The following GRM5 variants were observed in gnomAD, a reference collection of about 807,000 sequenced individuals.
GRM5 encodes metabotropic glutamate receptor 5.
Under a neutral mutation model 83.1 loss-of-function variants are expected in GRM5, and 19 were observed. The observed-to-expected ratio is 0.23, with a 90% CI of 0.16 to 0.34. GRM5 has a LOEUF of 0.34. Ranked by LOEUF, GRM5 falls within the 10% of genes least tolerant of loss-of-function variation. GRM5 has a pLI of 1.00. For synonymous variants in GRM5, 675 were observed against 633.6 expected, an observed-to-expected ratio of 1.07 and a Z score of -0.98; for missense variants, 1,160 against 1,588.3, an observed-to-expected ratio of 0.73 and a Z score of 4.58.
In GRM5 at chr11:88,590,611, A is replaced by G. The variant is rs202020552; in HGVS notation, c.1680T>C (p.Asp560=). ...ATTGTGATAGATTACCTGTGAGATC[A>G]TCAGTGGGCCAAGACCCCAGTTGGC... ...KACQLGSWPT[D]DLTGCDLIPV... Residue 560 remains aspartate, a synonymous_variant, in exon 7 of 10, where the codon GAT becomes GAC. Transcript: ENST00000305447. The G allele has an allele frequency of 1.3e-5, 21 of 1,611,860 alleles. No homozygotes were observed. The highest frequency in any genetic ancestry group is 1.7e-5 in the Non-Finnish European group (20 of 1,178,112).
intron 2 of GRM5, among the ~76,000 whole-genome samples, chr11:88,986,850 A>G (rs1264487315): frequency 6.7e-6 from 1 of 149,798 alleles, no homozygotes; most frequent in Non-Finnish European, 1.5e-5. Flanking sequence ...TTCACATCTC[A>G]CATTTAAGTC....
chr11:89,014,710 T>C (rs1940805761), intron 2 of GRM5, among the ~76,000 whole-genome samples: 1 of 152,176 alleles, frequency 6.6e-6, no homozygotes, highest in Non-Finnish European at 1.5e-5. Flanking sequence ...AGGATAAATG[T>C]TTGATGGAAT....
chr11:88,861,302 A>G (rs1201196429), intron 2 of GRM5, among the ~76,000 whole-genome samples: 1 of 152,138 alleles, frequency 6.6e-6, no homozygotes, highest in African/African-American at 2.4e-5. Context: ...TGCTCCAGCC[A>G]TAACAAAGGA....
chr11:88,537,273 C>T (rs991855275), intron 8 of GRM5, among the ~76,000 whole-genome samples: 1 of 86,662 alleles, frequency 1.2e-5, no homozygotes, highest in African/African-American at 3.7e-5. Context: ...GAATAAATCA[C>T]CCTCTGGGCC....
chr11:88,571,252 A>C (rs1481363710), intron 7 of GRM5, among the ~76,000 whole-genome samples: 1 of 152,228 alleles, frequency 6.6e-6, no homozygotes, highest in Non-Finnish European at 1.5e-5. Flanking sequence ...AAACTAAAGA[A>C]AACTCATTAG....
intron 2 of GRM5, among the ~76,000 whole-genome samples, chr11:89,003,284 A>C (rs538660861): frequency 6.6e-6 from 1 of 152,252 alleles, no homozygotes; most frequent in African/African-American, 2.4e-5. Context: ...CCGCAGTACA[A>C]TATGGGATAT....
intron 2 of GRM5, among the ~76,000 whole-genome samples, chr11:88,909,794 C>G (rs1056361083): frequency 1.3e-5 from 2 of 151,936 alleles, no homozygotes; most frequent in African/African-American, 2.4e-5. Context: ...AATATTAATG[C>G]CCAAAGCTCT....
chr11:88,837,747 T>G (rs1354913116), intron 3 of GRM5, among the ~76,000 whole-genome samples: 1 of 152,108 alleles, frequency 6.6e-6, no homozygotes, highest in Non-Finnish European at 1.5e-5. Context: ...TGGTATTATT[T>G]ACATTTCAGC....
At chr11:88,655,331 T>C (rs1487743780) in intron 3 of GRM5, among the ~76,000 whole-genome samples, 1 of 151,980 alleles carries the variant, frequency 6.6e-6, no homozygotes, top group Non-Finnish European at 1.5e-5. Context: ...GATGAGAGTG[T>C]GGGTCTCATT....
At chr11:88,911,433 AAAAC>A (rs1347314981) in intron 2 of GRM5, among the ~76,000 whole-genome samples, 2 of 152,184 alleles carry the variant, frequency 1.3e-5, no homozygotes, top group Non-Finnish European at 2.9e-5. Flanking sequence ...TTAACAAATT[AAAAC>A]AAACAAATGA....
At chr11:88,641,750 G>C (rs1300634468) in intron 4 of GRM5, among the ~76,000 whole-genome samples, 2 of 152,186 alleles carry the variant, frequency 1.3e-5, no homozygotes, top group Non-Finnish European at 2.9e-5. Context: ...CCCACTTCTA[G>C]GGCATGTGGG....
At chr11:88,752,880 G>T (rs1001955858) in intron 3 of GRM5, among the ~76,000 whole-genome samples, 1 of 152,104 alleles carries the variant, frequency 6.6e-6, no homozygotes, top group Non-Finnish European at 1.5e-5. Context: ...TTAATAAATG[G>T]TGCTCAAAGA....
chr11:88,744,634 T>C (rs1942095660), intron 3 of GRM5, among the ~76,000 whole-genome samples: 1 of 152,048 alleles, frequency 6.6e-6, no homozygotes, highest in South Asian at 2.1e-4. Flanking sequence ...AAATTAACGC[T>C]TCACAGCAGA....
intron 2 of GRM5, among the ~76,000 whole-genome samples, chr11:89,022,207 A>G (rs1267548046): frequency 1.3e-5 from 2 of 152,126 alleles, no homozygotes; most frequent in South Asian, 2.1e-4. Context: ...TTTGTAGCCT[A>G]AAGGAGCCAA....
chr11:88,613,378 C>G (rs1352045348), intron 4 of GRM5, among the ~76,000 whole-genome samples: 2 of 152,188 alleles, frequency 1.3e-5, no homozygotes, highest in African/African-American at 4.8e-5. Flanking sequence ...AATCTGGGTG[C>G]TCCAATGTTG....
chr11:88,922,072 T>C (rs1421592793), intron 2 of GRM5, among the ~76,000 whole-genome samples: 1 of 152,088 alleles, frequency 6.6e-6, no homozygotes. Context: ...AAAGCATTGA[T>C]GCAAGATATT....
chr11:88,599,186 C>T (rs1937906364), intron 5 of GRM5, among the ~76,000 whole-genome samples: 1 of 152,000 alleles, frequency 6.6e-6, no homozygotes. Context: ...TTATGTATGA[C>T]AAATAGTAAA....
At chr11:88,610,058 T>G (rs1338037257) in intron 4 of GRM5, among the ~76,000 whole-genome samples, 1 of 152,188 alleles carries the variant, frequency 6.6e-6, no homozygotes, top group Non-Finnish European at 1.5e-5. Flanking sequence ...TGTGGCTTTG[T>G]TTCTGGGTTC....
chr11:88,790,762 C>A (rs144517709), intron 3 of GRM5, among the ~76,000 whole-genome samples: 1 of 152,022 alleles, frequency 6.6e-6, no homozygotes, highest in East Asian at 1.9e-4. Context: ...TCACGATATA[C>A]TGTAGTTTGG....
Sources: gnomAD v4.1 joint callset for allele counts (sites outside exome capture counted in the v4.1 genomes callset) on GRCh38, gnomAD v4.1.1 for gene constraint, MANE v1.5 for transcripts, NCBI Gene and HGNC (gene_info 2026-07-23, HGNC 2026-07-21) for gene names.